The following SACS variants were observed in gnomAD, a reference collection of about 807,000 sequenced individuals.
SACS encodes sacsin.
A neutral mutation model predicts 348.0 loss-of-function variants in SACS; 197 were observed. The ratio of observed to expected loss-of-function variants is 0.57; its 90% confidence interval spans 0.50 to 0.64. SACS has a LOEUF of 0.64. Ranked by LOEUF, SACS falls within the 30% of genes least tolerant of loss-of-function variation. The pLI is 0.00. For synonymous variants in SACS, 1,985 were observed against 1,910.6 expected, an observed-to-expected ratio of 1.04 and a Z score of -1.02; for missense variants, 4,999 against 5,360.8, an observed-to-expected ratio of 0.93 and a Z score of 2.11.
At position 23,333,641 on chromosome 13, in the gene SACS, CACGGAAGTG is replaced by C; in HGVS notation, c.10226_10234del (p.Ser3409_Pro3411del). 1 of 1,613,762 alleles carries C rather than the reference CACGGAAGTG, an allele frequency of 6.2e-7. No individual in the cohort carries two copies. Among genetic ancestry groups the C allele is most frequent in the Non-Finnish European group, 8.5e-7 (1 of 1,179,772 alleles). ...ATAGCGGCCACTGATGGATTTATAG[CACGGAAGTG>C]ACTTTAGAATTTTTATATCATCTTG... On this transcript the variant is annotated inframe_deletion, in exon 10 of 10. Coordinates refer to ENST00000382292, the MANE Select transcript of SACS (RefSeq NM_014363.6).
At chr13:23,428,004 T>G (rs1232833356) in intron 1 of SACS, 1 of 152,212 alleles carries the variant, frequency 6.6e-6, no homozygotes, top group African/African-American at 2.4e-5. Context: ...TTTCATAGTT[T>G]TCAGTGCTGC....
At chr13:23,371,190 A>G in intron 3 of SACS, 25 bp from the exon 4 acceptor site, 1 of 1,464,174 alleles carries the variant, frequency 6.8e-7, no homozygotes, top group Non-Finnish European at 9.6e-7. Flanking sequence ...AAGAAAATGT[A>G]TGAAAAGCAA....
chr13:23,335,028 G>C lies in SACS; in HGVS notation c.8848C>G (p.His2950Asp). 6.2e-7 allele frequency: 1 copy of C among 1,613,492 alleles called. No individual in the cohort carries two copies. Among genetic ancestry groups the C allele is most frequent in the Non-Finnish European group, 8.5e-7 (1 of 1,179,550 alleles). ...TTCTTTAAAGTGTCCTTTACAACAT[G>C]AATAGGGGTGTTCTGTAACACTGAT... is the stretch of plus-strand genomic sequence containing the variant. ...TLSVLQNTPI[H>D]VVKDTLKKFL... The change falls in exon 10 of 10, where the codon CAT (histidine) becomes GAT (aspartate). Residue 2950 changes from histidine (H) to aspartate (D), a missense_variant. Around this residue, in one of 6 missense-constraint regions of SACS, gnomAD observed 734 missense variants for 694.0 expected, o/e 1.06. Transcript: ENST00000382292. The surrounding 1 kb of genome is among the most constrained non-coding windows in gnomAD (Gnocchi z 4.7).
intron 2 of SACS, among the ~76,000 whole-genome samples, chr13:23,385,165 T>C (rs1354187483): frequency 3.3e-5 from 5 of 151,630 alleles, no homozygotes; most frequent in Non-Finnish European, 4.4e-5. Flanking sequence ...AGTTTTATCA[T>C]GAGATTGCCC....
intron 9 of SACS, among the ~76,000 whole-genome samples, chr13:23,353,020 G>GCAGGACAAACCCAGAACTTTT (rs1566078141): frequency 1.3e-5 from 2 of 148,698 alleles, no homozygotes; most frequent in African/African-American, 2.6e-5. Flanking sequence ...AATGTGAACA[G>GCAGGACAAACCCAGAACTTTT]CAGGACAAAC....
Position 23,336,973 on chromosome 13 carries a change from T to C in SACS, c.6903A>G (p.Ala2301=), listed in dbSNP as rs1275319636. 3 of 1,614,030 alleles carry C rather than the reference T, an allele frequency of 1.9e-6. No individual in the cohort carries two copies. The highest frequency in any genetic ancestry group is 4.5e-5 in the East Asian group (2 of 44,862). The part of the protein sequence containing the change: ...DLVINQLKEV[A]KSVDDGITLY... The stretch of plus-strand genomic sequence containing the variant: ...GTGTAATTCCATCATCAACTGATTT[T>C]GCTACTTCTTTCAATTGGTTTATAA... Residue 2301 remains alanine, a synonymous_variant, in exon 10 of 10, where the codon GCA becomes GCG. Transcript: ENST00000382292.
Position 23,336,259 on chromosome 13 carries a change from A to G in SACS, c.7617T>C (p.Tyr2539=), listed in dbSNP as rs2137598731. ...TSRIKSILNA[Y]PSEKEMLKEL... Reference sequence around the variant, plus strand: ...CTTTCAACATTTCCTTTTCAGAAGGATATGCATTAAGGATGCTCTTAATTC... The same window carrying G: ...CTTTCAACATTTCCTTTTCAGAAGGGTATGCATTAAGGATGCTCTTAATTC... Residue 2539 remains tyrosine (Y), a synonymous_variant, in exon 10 of 10, where the codon TAT becomes TAC. Transcript: ENST00000382292. The G allele has an allele frequency of 6.2e-7, 1 of 1,614,092 alleles. No homozygotes were observed. The highest frequency in any genetic ancestry group is 8.5e-7 in the Non-Finnish European group (1 of 1,179,958).
rs1195114830 is a variant in SACS at position 23,332,007 on chromosome 13, A to C, written c.11869T>G (p.Phe3957Val). 6.2e-7 allele frequency: 1 copy of C among 1,614,114 alleles called. No individual in the cohort carries two copies. ...AAGAGCATTATCAACTTAGTGTGAA[A>C]TCCATGGTCTTTCCCTAAGTAGCAC... Reference protein sequence around the residue: ...SQCYLGKDHGFHTKLIMLFPQ... With the variant: ...SQCYLGKDHGVHTKLIMLFPQ... Residue 3957 changes from phenylalanine to valine, a missense_variant, in exon 10 of 10, where the codon TTT becomes GTT. Transcript: ENST00000382292.
chr13:23,402,178 G>GAA lies in SACS; in HGVS notation c.20+9040_20+9041dup, dbSNP rs34188080. On this transcript the variant is annotated intron_variant, in intron 2 of 9. Coordinates refer to ENST00000382292, the MANE Select transcript of SACS (RefSeq NM_014363.6). ...GGGCAAAAGAGCGAGACTCCATCTC[G>GAA]AAAAAAAAAAAAAAAAGACTTTCCA... Among the ~76,000 whole-genome samples the GAA allele has an allele frequency of 1.5e-3, 152 of 103,186 alleles. 1 individual carries two copies. Among genetic ancestry groups the GAA allele is most frequent in the African/African-American group, 5.4e-3 (144 of 26,788 alleles). The allele number at this position is 103,186 out of a possible 152,430, so 67.7% of individuals were successfully genotyped here. A position where few individuals can be genotyped will look rare whatever the true frequency, so the allele number is the denominator to read the frequency against.
chr13:23,400,581 C>T (rs558788202), intron 2 of SACS, among the ~76,000 whole-genome samples: 10 of 152,266 alleles, frequency 6.6e-5, no homozygotes, highest in Admixed American at 2.0e-4. Context: ...CCACCACACC[C>T]GGCTAATTTT....
chr13:23,346,788 A>G, intron 9 of SACS: 1 of 979,238 alleles, frequency 1.0e-6, no homozygotes, highest in Non-Finnish European at 1.2e-6. Flanking sequence ...GCTTCAAATG[A>G]ACACAACATT....
At chr13:23,387,740 G>C (rs1268267203) in intron 2 of SACS, among the ~76,000 whole-genome samples, 1 of 152,306 alleles carries the variant, frequency 6.6e-6, no homozygotes. Context: ...GCATGGTGCA[G>C]AGAATTCAGT....
At chr13:23,428,167 T>A (rs1447226636) in intron 1 of SACS, 5 of 152,136 alleles carry the variant, frequency 3.3e-5, no homozygotes, top group African/African-American at 1.2e-4. Context: ...AATGAAAAAT[T>A]CATCCTTTTG....
chr13:23,423,452 G>T (rs1372283257), intron 1 of SACS, among the ~76,000 whole-genome samples: 1 of 152,154 alleles, frequency 6.6e-6, no homozygotes, highest in African/African-American at 2.4e-5. Context: ...TATGTGCGAA[G>T]AAGCTTTAGG....
At chr13:23,346,418 A>G (rs1486654527) in intron 9 of SACS, among the ~76,000 whole-genome samples, 1 of 152,188 alleles carries the variant, frequency 6.6e-6, no homozygotes, top group Non-Finnish European at 1.5e-5. Flanking sequence ...TGCTGGGATT[A>G]CAGGCGTGAG....
Position 23,332,940 on chromosome 13 carries a change from T to C in SACS, c.10936A>G (p.Lys3646Glu), listed in dbSNP as rs1883583146. 2 of 1,613,810 alleles carry C rather than the reference T, an allele frequency of 1.2e-6. No homozygotes were observed. The highest frequency in any genetic ancestry group is 1.7e-5 in the Admixed American group (1 of 59,950). The change falls in exon 10 of 10, where the codon AAA (lysine) becomes GAA (glutamate). Residue 3646 changes from lysine (K) to glutamate (E), a missense_variant. Lys to Glu is a moderately conservative substitution (Grantham distance 56). Transcript: ENST00000382292. ...AAGAATGGTATTAAAGATAGTTCTTTCAGAAAATTTCCAGATAACAAATCC... is the reference window on the plus strand; with the variant it reads ...AAGAATGGTATTAAAGATAGTTCTTCCAGAAAATTTCCAGATAACAAATCC... ...RMDLLSGNFL[K>E]ELSLIPFLCP...
At chr13:23,370,945 T>C (rs1216711546) in intron 4 of SACS, 133 bp downstream of exon 4, 2 of 479,116 alleles carry the variant, frequency 4.2e-6, no homozygotes, top group Admixed American at 7.1e-5. Context: ...TGAGCTGAGA[T>C]TGTGCCACTG....
intron 2 of SACS, among the ~76,000 whole-genome samples, chr13:23,403,968 G>T (rs1015862997): frequency 1.3e-5 from 2 of 152,156 alleles, no homozygotes; most frequent in Non-Finnish European, 2.9e-5. Flanking sequence ...TGGTTTCAAA[G>T]AACTTATTTA....
rs766665680 is a variant in SACS, at chr13:23,330,434, G to A, written c.13442C>T (p.Thr4481Ile). ...GTCAGCTGCAATCAAAGCTAACTTG[G>A]TAGAAAGGTAACATTTAAAGCACAC... The part of the protein sequence containing the change: ...EWVCFKCYLS[T>I]KLALIAADYA... Residue 4481 changes from threonine (T) to isoleucine (I), a missense_variant, in exon 10 of 10, where the codon ACC becomes ATC. By Grantham distance (89) the Thr-to-Ile change is moderately conservative. Transcript: ENST00000382292. The A allele has an allele frequency of 1.9e-6, 3 of 1,614,144 alleles. No individual in the cohort carries two copies. Among genetic ancestry groups the A allele is most frequent in the Non-Finnish European group, 8.5e-7 (1 of 1,180,014 alleles).
Sources: gnomAD v4.1 joint callset for allele counts (sites outside exome capture counted in the v4.1 genomes callset) on GRCh38, gnomAD v4.1.1 for gene constraint, gnomAD v4.1.1 regional missense constraint, Gnocchi (gnomAD v3.1) non-coding constraint, MANE v1.5 for transcripts, NCBI Gene and HGNC (gene_info 2026-07-23, HGNC 2026-07-21) for gene names.